The following LRRC49 variants were observed in gnomAD, a reference collection of about 807,000 sequenced individuals.
LRRC49 encodes leucine-rich repeat-containing protein 49.
A neutral mutation model predicts 83.3 loss-of-function variants in LRRC49; 50 were observed. The ratio of observed to expected loss-of-function variants is 0.60; its 90% confidence interval spans 0.48 to 0.76. The LOEUF (loss-of-function observed/expected upper bound fraction) is 0.76. LRRC49 is among the 30% of genes least tolerant of loss of function. The pLI, the probability that LRRC49 is intolerant of heterozygous loss-of-function variation, is 0.00. For missense variants in LRRC49, 704 were observed against 809.1 expected (o/e 0.87, Z 1.58); for synonymous variants, 286 against 283.3 (o/e 1.01, Z -0.10).
intron 7 of LRRC49, among the ~76,000 whole-genome samples, chr15:70,935,724 C>T (rs977532874): frequency 1.2e-4 from 18 of 152,070 alleles, no homozygotes; most frequent in African/African-American, 4.1e-4. Context: ...CCCTTAAAAA[C>T]GAAAAACATT....
chr15:70,969,778 T>A (rs976702045), intron 9 of LRRC49, among the ~76,000 whole-genome samples: 1 of 152,124 alleles, frequency 6.6e-6, no homozygotes, highest in African/African-American at 2.4e-5. Flanking sequence ...TTTGGCTCTC[T>A]GTCTATTATT....
At chr15:70,980,966 G>T (rs576355737) in intron 10 of LRRC49, among the ~76,000 whole-genome samples, 1 of 152,148 alleles carries the variant, frequency 6.6e-6, no homozygotes, top group East Asian at 1.9e-4. Flanking sequence ...TAAGGTAGAG[G>T]ATTGCTTGAG....
chr15:70,976,223 G>C (rs2037201777), intron 9 of LRRC49, among the ~76,000 whole-genome samples: 1 of 152,202 alleles, frequency 6.6e-6, no homozygotes, highest in African/African-American at 2.4e-5. Context: ...CCCTGGACCA[G>C]AAGTCAGGTG....
At chr15:71,013,443 G>A (rs2038724669) in intron 14 of LRRC49, among the ~76,000 whole-genome samples, 2 of 152,324 alleles carry the variant, frequency 1.3e-5, no homozygotes, top group African/African-American at 4.8e-5. Context: ...CTTGTGTTTT[G>A]TAATGAAGCA....
chr15:70,956,010 A>C (rs999254852), intron 8 of LRRC49, among the ~76,000 whole-genome samples: 1 of 152,230 alleles, frequency 6.6e-6, no homozygotes, highest in Admixed American at 6.5e-5. Flanking sequence ...TCACTGATCA[A>C]TATAAAATAA....
intron 11 of LRRC49, among the ~76,000 whole-genome samples, chr15:70,991,885 A>G (rs2037894142): frequency 1.3e-5 from 2 of 152,234 alleles, no homozygotes. Context: ...TTTGAGTGAC[A>G]TGAGAATAAT....
At chr15:70,862,683 CA>C in intron 1 of LRRC49, among the ~76,000 whole-genome samples, 2 of 152,026 alleles carry the variant, frequency 1.3e-5, no homozygotes, top group Middle Eastern at 6.8e-3. Flanking sequence ...TCAAAGCTCC[CA>C]AAATGATTCC....
At chr15:71,046,593 A>T (rs1335007155) in intron 15 of LRRC49, among the ~76,000 whole-genome samples, 1 of 152,082 alleles carries the variant, frequency 6.6e-6, no homozygotes, top group Non-Finnish European at 1.5e-5. Context: ...TAAATTCTGG[A>T]TATTAAGCCT....
chr15:70,868,512 G>T (rs2032959667), intron 1 of LRRC49, among the ~76,000 whole-genome samples: 1 of 152,218 alleles, frequency 6.6e-6, no homozygotes, highest in Admixed American at 6.5e-5. Context: ...GCTTTCAACT[G>T]GTGGCTCTCA....
intron 3 of LRRC49, among the ~76,000 whole-genome samples, chr15:70,896,456 T>C (rs956098831): frequency 2.0e-5 from 3 of 152,192 alleles, no homozygotes; most frequent in Non-Finnish European, 2.9e-5. Context: ...TTGTAGGTCT[T>C]GAGCGGGATT....
intron 7 of LRRC49, 87 bp downstream of exon 7, chr15:70,919,280 TAAG>T (rs2034915469): frequency 8.5e-7 from 1 of 1,175,152 alleles, no homozygotes; most frequent in South Asian, 1.7e-5. Flanking sequence ...TTCTGCAAAG[TAAG>T]AATCTACGGT....
intron 8 of LRRC49, among the ~76,000 whole-genome samples, chr15:70,955,679 A>C (rs1196528963): frequency 1.3e-5 from 2 of 151,990 alleles, no homozygotes; most frequent in African/African-American, 4.8e-5. Flanking sequence ...CATTCTATTT[A>C]CCTCTCTTGG....
chr15:70,867,299 A>G (rs372620673), intron 1 of LRRC49, among the ~76,000 whole-genome samples: 1 of 152,310 alleles, frequency 6.6e-6, no homozygotes, highest in African/African-American at 2.4e-5. Flanking sequence ...AGAAGAAAAG[A>G]ACTTCCTGTG....
chr15:70,893,439 C>G, intron 1 of LRRC49, 145 bp from the exon 2 acceptor site: 1 of 648,560 alleles, frequency 1.5e-6, no homozygotes, highest in Non-Finnish European at 2.7e-6. Flanking sequence ...TCAGCAAATC[C>G]TCAGAACAAG....
intron 8 of LRRC49, among the ~76,000 whole-genome samples, chr15:70,949,598 A>T (rs916527436): frequency 2.6e-5 from 4 of 152,116 alleles, no homozygotes; most frequent in African/African-American, 9.7e-5. Flanking sequence ...AAAATCCACC[A>T]ATGCTCCCCA....
At chr15:70,860,291 C>CCG (rs2032757914) in intron 1 of LRRC49, 2 of 538,656 alleles carry the variant, frequency 3.7e-6, no homozygotes, top group African/African-American at 3.8e-5. Context: ...CTCAGCCCAC[C>CCG]CGCGGGGGAG....
At chr15:71,015,563 T>C (rs1677362588) in intron 14 of LRRC49, among the ~76,000 whole-genome samples, 2 of 152,188 alleles carry the variant, frequency 1.3e-5, no homozygotes, top group Non-Finnish European at 2.9e-5. Flanking sequence ...CTAACAGCCA[T>C]GGACAGGCCT....
chr15:70,990,274 T>C (rs2037815460), intron 11 of LRRC49, among the ~76,000 whole-genome samples: 1 of 152,316 alleles, frequency 6.6e-6, no homozygotes, highest in Admixed American at 6.5e-5. Context: ...CCTTGAGCTG[T>C]GGTGGGCTCC....
intron 9 of LRRC49, among the ~76,000 whole-genome samples, chr15:70,976,693 C>G (rs923984260): frequency 3.3e-5 from 5 of 152,016 alleles, no homozygotes; most frequent in East Asian, 1.9e-4. Context: ...CCCAGATTCC[C>G]CCCCCAACTT....
Sources: allele counts gnomAD v4.1 joint callset (sites outside exome capture counted in the v4.1 genomes callset), GRCh38; gene constraint gnomAD v4.1.1; transcripts MANE v1.5; gene names NCBI Gene and HGNC (gene_info 2026-07-23, HGNC 2026-07-21).